CAPS2: variants seen among roughly 807,000 people sequenced by gnomAD.
CAPS2 encodes the protein calcyphosine 2.
In CAPS2, 98 loss-of-function variants were observed where a neutral mutation model predicts 86.5. That is an observed-to-expected ratio of 1.13 (90% confidence interval 0.96 to 1.34). The LOEUF (loss-of-function observed/expected upper bound fraction) is 1.34, where lower values mean the gene tolerates loss of function less well. CAPS2 is among the 40% of genes most tolerant of loss of function. The pLI is 0.00. For missense variants in CAPS2, 729 were observed against 686.8 expected, an observed-to-expected ratio of 1.06 and a Z score of -0.69; for synonymous variants, 210 against 225.1, an observed-to-expected ratio of 0.93 and a Z score of 0.60.
chr12:75,291,576 T>A (rs1438864711), intron 13 of CAPS2, among the ~76,000 whole-genome samples, 168 bp downstream of exon 13: 9 of 57,632 alleles, frequency 1.6e-4, no homozygotes, highest in Non-Finnish European at 2.9e-4. Flanking sequence ...AGTATATATA[T>A]ATATATATAT....
chr12:75,285,174 C>A, intron 14 of CAPS2, 94 bp from the exon 15 acceptor site: 1 of 1,117,512 alleles, frequency 8.9e-7, no homozygotes, highest in African/African-American at 1.6e-5. Flanking sequence ...TTCTGTAGTC[C>A]TAGATATAAC....
At chr12:75,285,108 A>G in intron 14 of CAPS2, 28 bp from the exon 15 acceptor site, 1 of 1,596,708 alleles carries the variant, frequency 6.3e-7, no homozygotes, top group Non-Finnish European at 8.5e-7. Context: ...TAACTGTTGC[A>G]TTTTTAAGTT....
At chr12:75,297,777 G>A (rs756843833) in intron 11 of CAPS2, among the ~76,000 whole-genome samples, 14 of 152,134 alleles carry the variant, frequency 9.2e-5, no homozygotes, top group Non-Finnish European at 1.8e-4. Flanking sequence ...AATAAGTCAT[G>A]TGCTCTCTTC....
At chr12:75,378,183 G>A (rs958743282) in intron 1 of CAPS2, among the ~76,000 whole-genome samples, 1 of 151,962 alleles carries the variant, frequency 6.6e-6, no homozygotes, top group African/African-American at 2.4e-5. Flanking sequence ...TTTTTTTGTA[G>A]AGATGGGGTT....
At chr12:75,325,101 G>T in intron 2 of CAPS2, 138 bp downstream of exon 3, 1 of 572,690 alleles carries the variant, frequency 1.7e-6, no homozygotes, top group Non-Finnish European at 2.8e-6. Flanking sequence ...GTAATTTTCA[G>T]GCTATCCATA....
chr12:75,316,527 A>C, intron 5 of CAPS2, 93 bp from the exon 6 acceptor site: 9 of 1,139,378 alleles, frequency 7.9e-6, no homozygotes, highest in South Asian at 2.2e-5. Context: ...GGAATATCTC[A>C]GTGACTATTT....
At chr12:75,343,887 T>G in intron 1 of CAPS2, 2 of 1,612,274 alleles carry the variant, frequency 1.2e-6, no homozygotes, top group South Asian at 2.2e-5. Flanking sequence ...AAACCCAATT[T>G]TATGATTTTG....
rs373502310 is a variant in CAPS2 at position 75,312,054 on chromosome 12, T to C, written c.659+794A>G. ...GTTTTTTCAAAGCTAAGTCTTACTT[T>C]TTCCTTGAAGTAGATTATTCCAACC... On this transcript the variant is annotated intron_variant, in intron 7 of 16. Transcript: ENST00000393284. 2.4e-4 allele frequency among the ~76,000 whole-genome samples: 37 copies of C among 152,334 alleles called. 3 individuals are homozygous for C. The South Asian group carries it at 7.5e-3, about 31-fold the overall frequency.
chr12:75,278,400 T>C, exon 17 of CAPS2: 1 of 984,036 alleles, frequency 1.0e-6, no homozygotes, highest in South Asian at 4.7e-5. Context: ...TTTCATGTGT[T>C]AAAAACACAT....
intron 9 of CAPS2, among the ~76,000 whole-genome samples, chr12:75,299,448 A>G (rs1327116501): frequency 6.6e-6 from 1 of 152,140 alleles, no homozygotes; most frequent in Non-Finnish European, 1.5e-5. Flanking sequence ...AGATTTAAAA[A>G]TTATTTTCCT....
chr12:75,305,055 A>C (rs756195602), intron 7 of CAPS2, 179 bp from the exon 8 acceptor site: 9 of 455,862 alleles, frequency 2.0e-5, no homozygotes, highest in Non-Finnish European at 3.2e-5. Context: ...AAATATTCCT[A>C]TCTCTTTTTC....
chr12:75,291,719 T>C, intron 13 of CAPS2, 25 bp downstream of exon 13: 1 of 1,313,800 alleles, frequency 7.6e-7, no homozygotes, highest in African/African-American at 1.5e-5. Flanking sequence ...TTCAAAGTAC[T>C]TGAGAGTACA....
chr12:75,292,937 T>C (rs1054006455), intron 12 of CAPS2, among the ~76,000 whole-genome samples: 2 of 151,540 alleles, frequency 1.3e-5, no homozygotes, highest in African/African-American at 4.8e-5. Flanking sequence ...TGTATTGATA[T>C]CCTTTTTTAA....
At chr12:75,336,710 TAGTG>T (rs1055373412) in intron 1 of CAPS2, among the ~76,000 whole-genome samples, 89 of 151,908 alleles carry the variant, frequency 5.9e-4, no homozygotes, top group African/African-American at 1.9e-3. Context: ...ATTTTAATCT[TAGTG>T]AGTAAGAGAA....
At chr12:75,384,777 T>A (rs1313883961) in intron 1 of CAPS2, among the ~76,000 whole-genome samples, 1 of 152,164 alleles carries the variant, frequency 6.6e-6, no homozygotes, top group Non-Finnish European at 1.5e-5. Flanking sequence ...CAAATTGAAT[T>A]CAACAACGTA....
chr12:75,365,052 T>G (rs1651993297), intron 1 of CAPS2: 1 of 152,142 alleles, frequency 6.6e-6, no homozygotes, highest in Admixed American at 6.6e-5. Context: ...GGATCTGAAC[T>G]AATTATATCC....
At chr12:75,283,198 T>C (rs2034289241) in intron 15 of CAPS2, among the ~76,000 whole-genome samples, 1 of 152,254 alleles carries the variant, frequency 6.6e-6, no homozygotes, top group Admixed American at 6.5e-5. Flanking sequence ...TCAGTGTAGC[T>C]CTATCATAAG....
At chr12:75,369,827 G>A in intron 1 of CAPS2, 3 of 1,321,384 alleles carry the variant, frequency 2.3e-6, no homozygotes, top group African/African-American at 3.0e-5. Context: ...GAGTAGGAAA[G>A]TTTCATTTTC....
intron 1 of CAPS2, among the ~76,000 whole-genome samples, chr12:75,351,020 G>A (rs2042774016): frequency 6.6e-6 from 1 of 152,192 alleles, no homozygotes; most frequent in Non-Finnish European, 1.5e-5. Context: ...TGATGGAGCT[G>A]TAAAACACAA....
Sources: allele counts gnomAD v4.1 joint callset (sites outside exome capture counted in the v4.1 genomes callset), GRCh38; gene constraint gnomAD v4.1.1; transcripts MANE v1.5; gene names NCBI Gene and HGNC (gene_info 2026-07-23, HGNC 2026-07-21).